The following HSD17B12 variants were observed in gnomAD, a reference collection of about 807,000 sequenced individuals.
The protein encoded by HSD17B12 is hydroxysteroid 17-beta dehydrogenase 12, also known as very-long-chain 3-oxoacyl-CoA reductase.
In HSD17B12, 32 loss-of-function variants were observed where a neutral mutation model predicts 39.3. The observed-to-expected ratio is 0.81, with a 90% CI of 0.61 to 1.09. HSD17B12 has a LOEUF of 1.09. Ranked by LOEUF, HSD17B12 falls within the 50% of genes least tolerant of loss-of-function variation. HSD17B12 has a pLI of 0.00. For missense variants in HSD17B12, 342 were observed against 382.9 expected, an observed-to-expected ratio of 0.89 and a Z score of 0.89; for synonymous variants, 150 against 146.7, an observed-to-expected ratio of 1.02 and a Z score of -0.16.
the HSD17B12 span, among the ~76,000 whole-genome samples, chr11:43,616,208 G>C: frequency 1.3e-5 from 2 of 152,056 alleles, no homozygotes; most frequent in African/African-American, 4.8e-5. Flanking sequence ...AGGAGTTCAA[G>C]ACCAGCCTGG....
At chr11:43,808,641 T>C (rs1413084265) in intron 4 of HSD17B12, among the ~76,000 whole-genome samples, 3 of 152,236 alleles carry the variant, frequency 2.0e-5, no homozygotes, top group Non-Finnish European at 4.4e-5. Flanking sequence ...TAGCAAATCT[T>C]ACCTAGTTTT....
At chr11:43,588,041 G>T in the HSD17B12 span, among the ~76,000 whole-genome samples, 1 of 152,202 alleles carries the variant, frequency 6.6e-6, no homozygotes, top group East Asian at 1.9e-4. Flanking sequence ...GACATGGATA[G>T]GTCTGTGTGC....
Position 43,839,922 on chromosome 11 carries a change from A to C in HSD17B12, c.619-77A>C, listed in dbSNP as rs931820374. On this transcript the variant is annotated intron_variant, in intron 8 of 10. Coordinates refer to ENST00000278353, the MANE Select transcript of HSD17B12 (RefSeq NM_016142.3). The stretch of plus-strand genomic sequence containing the variant: ...TATAGCATTAAATGATTAGTTTATT[A>C]TTTTGTTTCCATGGCTACAAATCAG... 140 of 1,148,800 alleles carry C rather than the reference A, an allele frequency of 1.2e-4. No homozygotes were observed. The Admixed American group carries it at 2.5e-3, about 20-fold the overall frequency. 71.2% of individuals were successfully genotyped at this position (1,148,800 alleles called of 1,614,324 possible). A position where few individuals can be genotyped will look rare whatever the true frequency, so the allele number is the denominator to read the frequency against.
At chr11:43,681,834 C>CTTTTTTT in intron 1 of HSD17B12, among the ~76,000 whole-genome samples, 1 of 142,312 alleles carries the variant, frequency 7.0e-6, no homozygotes, top group East Asian at 2.1e-4. Context: ...TCCCCCCCCC[C>CTTTTTTT]TTTTTTTTTT....
At chr11:43,688,489 C>T (rs971672199) in intron 1 of HSD17B12, among the ~76,000 whole-genome samples, 2 of 152,192 alleles carry the variant, frequency 1.3e-5, no homozygotes, top group African/African-American at 4.8e-5. Context: ...AGAAAGAACG[C>T]TTTGTTTTAT....
At chr11:43,597,635 G>GTTTGT in the HSD17B12 span, among the ~76,000 whole-genome samples, 3 of 152,102 alleles carry the variant, frequency 2.0e-5, no homozygotes, top group Non-Finnish European at 2.9e-5. Flanking sequence ...CGTTTGTTTG[G>GTTTGT]TTTGTTTTGT....
At chr11:43,687,353 C>G (rs1224073944) in intron 1 of HSD17B12, among the ~76,000 whole-genome samples, 1 of 152,172 alleles carries the variant, frequency 6.6e-6, no homozygotes, top group Non-Finnish European at 1.5e-5. Context: ...TGAGTGCTAA[C>G]TATAGACCTT....
At chr11:43,638,329 T>C in the HSD17B12 span, among the ~76,000 whole-genome samples, 6 of 152,116 alleles carry the variant, frequency 3.9e-5, no homozygotes, top group Non-Finnish European at 4.4e-5. Flanking sequence ...AGAGATTTCA[T>C]GTTAGGATGA....
chr11:43,622,904 A>T, the HSD17B12 span, among the ~76,000 whole-genome samples: 1 of 152,186 alleles, frequency 6.6e-6, no homozygotes, highest in Non-Finnish European at 1.5e-5. Context: ...AGGCAACCAC[A>T]TGAATTTTAA....
intron 6 of HSD17B12, among the ~76,000 whole-genome samples, chr11:43,826,561 A>G (rs1041277798): frequency 6.6e-6 from 1 of 152,178 alleles, no homozygotes; most frequent in Non-Finnish European, 1.5e-5. Flanking sequence ...TATAGGATTG[A>G]ATTTAAGGTT....
the HSD17B12 span, among the ~76,000 whole-genome samples, chr11:43,584,340 A>T: frequency 6.6e-6 from 1 of 152,086 alleles, no homozygotes; most frequent in Non-Finnish European, 1.5e-5. Flanking sequence ...TGTCCTGGGG[A>T]CTTCTCAAAC....
At chr11:43,691,100 A>G (rs1462221200) in intron 1 of HSD17B12, among the ~76,000 whole-genome samples, 1 of 152,152 alleles carries the variant, frequency 6.6e-6, no homozygotes, top group East Asian at 1.9e-4. Flanking sequence ...CGTGTTCTGG[A>G]CTTCCTTATT....
chr11:43,779,582 A>G (rs149962127), intron 3 of HSD17B12, among the ~76,000 whole-genome samples: 1 of 152,342 alleles, frequency 6.6e-6, no homozygotes, highest in East Asian at 1.9e-4. Flanking sequence ...TGTGTAAAAC[A>G]GGTGTGACTG....
At chr11:43,607,317 T>C in the HSD17B12 span, among the ~76,000 whole-genome samples, 6 of 144,890 alleles carry the variant, frequency 4.1e-5, no homozygotes, top group African/African-American at 1.5e-4. Flanking sequence ...TGTGTGTGTG[T>C]ACCATGTAGC....
upstream of HSD17B12, among the ~76,000 whole-genome samples, chr11:43,679,079 C>A (rs1388775344): frequency 1.3e-5 from 2 of 152,170 alleles, no homozygotes; most frequent in Non-Finnish European, 2.9e-5. Context: ...ATGGAACGTT[C>A]TTCCATTTGT....
At chr11:43,737,242 C>T (rs1182487429) in intron 1 of HSD17B12, among the ~76,000 whole-genome samples, 2 of 152,134 alleles carry the variant, frequency 1.3e-5, no homozygotes, top group African/African-American at 4.8e-5. Flanking sequence ...TCCAGTGTTG[C>T]TCTAGTCTAT....
the HSD17B12 span, among the ~76,000 whole-genome samples, chr11:43,642,594 TC>T: frequency 6.6e-6 from 1 of 151,686 alleles, no homozygotes; most frequent in Non-Finnish European, 1.5e-5. Flanking sequence ...TATTTTAACA[TC>T]AAGAGAATAA....
chr11:43,752,663 G>A (rs922762638), intron 2 of HSD17B12, among the ~76,000 whole-genome samples: 2 of 151,324 alleles, frequency 1.3e-5, no homozygotes, highest in Non-Finnish European at 2.9e-5. Flanking sequence ...GCAGTGAGCC[G>A]AGATCACACC....
At chr11:43,650,185 G>T in the HSD17B12 span, among the ~76,000 whole-genome samples, 2 of 152,222 alleles carry the variant, frequency 1.3e-5, no homozygotes, top group Middle Eastern at 3.4e-3. Flanking sequence ...GTTTGATAAT[G>T]GGTACAATTT....
Sources: gnomAD v4.1 joint callset for allele counts (sites outside exome capture counted in the v4.1 genomes callset) on GRCh38, gnomAD v4.1.1 for gene constraint, MANE v1.5 for transcripts, NCBI Gene and HGNC (gene_info 2026-07-23, HGNC 2026-07-21) for gene names.